Variants in CAP2 observed in about 807,000 individuals in gnomAD.
CAP2 encodes adenylyl cyclase-associated protein 2.
Under a neutral mutation model 57.7 loss-of-function variants are expected in CAP2, and 24 were observed. That is an observed-to-expected ratio of 0.42 (90% CI 0.30 to 0.58). The LOEUF is 0.58. Ranked by LOEUF, CAP2 falls within the 20% of genes least tolerant of loss-of-function variation. CAP2 has a pLI of 0.22. For synonymous variants in CAP2, 194 were observed against 207.2 expected (o/e 0.94, Z 0.55); for missense variants, 501 against 590.3 (o/e 0.85, Z 1.57).
intron 7 of CAP2, among the ~76,000 whole-genome samples, chr6:17,526,756 G>A (rs1762520197): frequency 6.6e-6 from 1 of 151,686 alleles, no homozygotes; most frequent in Non-Finnish European, 1.5e-5. Context: ...TCAGGAGTTC[G>A]AGACCAGCCT....
At chr6:17,542,185 C>A (rs1228866755) in intron 9 of CAP2, among the ~76,000 whole-genome samples, 1 of 152,166 alleles carries the variant, frequency 6.6e-6, no homozygotes, top group Non-Finnish European at 1.5e-5. Context: ...TTTAATCAGG[C>A]AGCAAGACAG....
chr6:17,510,471 TC>T (rs948525404), intron 6 of CAP2, among the ~76,000 whole-genome samples: 6 of 152,252 alleles, frequency 3.9e-5, no homozygotes, highest in African/African-American at 1.4e-4. Context: ...TCAGTGCGCC[TC>T]TTTTCCTCTT....
chr6:17,425,815 C>A lies in CAP2; in HGVS notation c.122-775C>A, dbSNP rs116720410. On this transcript the variant is annotated intron_variant, in intron 2 of 12. Transcript: ENST00000229922. ...ATGTTTAATAAACATTGATGGAGAT[C>A]CGGGCATGGTGGCTCACGCCTGTAA... Among the ~76,000 whole-genome samples, 1,416 of 152,250 alleles carry A rather than the reference C, an allele frequency of 9.3e-3. 17 individuals are homozygous for A. Among genetic ancestry groups the A allele is most frequent in the African/African-American group, 0.032 (1,319 of 41,550 alleles).
intron 3 of CAP2, among the ~76,000 whole-genome samples, chr6:17,441,351 T>C (rs1760067836): frequency 1.3e-5 from 2 of 151,632 alleles, no homozygotes; most frequent in South Asian, 4.1e-4. Flanking sequence ...AAAATCCTTA[T>C]GTACTTTCAA....
intron 3 of CAP2, among the ~76,000 whole-genome samples, chr6:17,432,083 T>C (rs1321061372): frequency 6.6e-6 from 1 of 152,210 alleles, no homozygotes; most frequent in Non-Finnish European, 1.5e-5. Flanking sequence ...CTGTGCTTTC[T>C]GGTCCTACGA....
At chr6:17,548,420 G>A (rs1202123369) in intron 11 of CAP2, among the ~76,000 whole-genome samples, 1 of 151,922 alleles carries the variant, frequency 6.6e-6, no homozygotes, top group Non-Finnish European at 1.5e-5. Flanking sequence ...AGAAAATAAG[G>A]TTGAAACAGC....
intron 4 of CAP2, among the ~76,000 whole-genome samples, chr6:17,492,173 TATA>T (rs1761559146): frequency 6.6e-6 from 1 of 152,250 alleles, no homozygotes; most frequent in African/African-American, 2.4e-5. Context: ...AGAAATCTTC[TATA>T]ATCAACCATG....
chr6:17,543,838 T>C (rs185339339), intron 11 of CAP2, among the ~76,000 whole-genome samples: 1 of 151,568 alleles, frequency 6.6e-6, no homozygotes, highest in Non-Finnish European at 1.5e-5. Flanking sequence ...CAAGTACAGC[T>C]AACTGGCCAG....
intron 4 of CAP2, among the ~76,000 whole-genome samples, chr6:17,468,130 AT>A (rs962311043): frequency 9.4e-5 from 14 of 148,760 alleles, no homozygotes; most frequent in African/African-American, 2.0e-4. Flanking sequence ...TCCATGTTGA[AT>A]TTTTTTTTTT....
At chr6:17,534,068 T>C (rs1228718493) in intron 7 of CAP2, among the ~76,000 whole-genome samples, 1 of 152,238 alleles carries the variant, frequency 6.6e-6, no homozygotes, top group African/African-American at 2.4e-5. Flanking sequence ...TAGGCCAGGA[T>C]ACCTCCATTC....
intron 6 of CAP2, among the ~76,000 whole-genome samples, chr6:17,511,097 T>A (rs1762135050): frequency 6.6e-6 from 1 of 152,168 alleles, no homozygotes; most frequent in Admixed American, 6.6e-5. Context: ...TTAAGCTCAG[T>A]GGACTACCTC....
intron 4 of CAP2, among the ~76,000 whole-genome samples, chr6:17,470,588 T>C (rs1241589113): frequency 1.3e-5 from 2 of 152,170 alleles, no homozygotes; most frequent in African/African-American, 4.8e-5. Context: ...TCCTCAGCCA[T>C]TGAATTGGAA....
intron 3 of CAP2, among the ~76,000 whole-genome samples, chr6:17,445,453 G>A (rs957826029): frequency 4.6e-5 from 7 of 152,184 alleles, no homozygotes; most frequent in Admixed American, 1.3e-4. Context: ...ATAGAATTTC[G>A]TTTGGTTTTC....
intron 4 of CAP2, among the ~76,000 whole-genome samples, chr6:17,471,099 C>G (rs1306928711): frequency 6.6e-6 from 1 of 152,198 alleles, no homozygotes; most frequent in African/African-American, 2.4e-5. Flanking sequence ...TGACTGATCT[C>G]AGAGCATACC....
At chr6:17,524,301 A>G (rs7763011) in intron 7 of CAP2, among the ~76,000 whole-genome samples, 39,189 of 152,098 alleles carry the variant, frequency 0.26, 6,182 homozygotes, top group African/African-American at 0.45. Flanking sequence ...ATTAAGAGCT[A>G]TACTGTGAAG....
At chr6:17,417,571 G>A (rs906994369) in intron 1 of CAP2, among the ~76,000 whole-genome samples, 3 of 152,086 alleles carry the variant, frequency 2.0e-5, no homozygotes, top group East Asian at 1.9e-4. Flanking sequence ...CACTGGCCCC[G>A]GCTCCTAAAA....
rs150339794 is a variant in CAP2 at position 17,514,232 on chromosome 6, G to A, written c.636+278G>A. On this transcript the variant is annotated intron_variant, in intron 7 of 12. Coordinates refer to ENST00000229922, the MANE Select transcript of CAP2 (RefSeq NM_006366.3). ...ATAAAAATTAGCCAGGCATGGTAAC[G>A]CACTTCTGTAATTCCAGCTACTCAG... Among the ~76,000 whole-genome samples, 878 of 152,040 alleles carry A rather than the reference G, an allele frequency of 5.8e-3. 22 individuals carry two copies. Among genetic ancestry groups the A allele is most frequent in the East Asian group, 0.049 (253 of 5,146 alleles).
intron 7 of CAP2, among the ~76,000 whole-genome samples, chr6:17,537,494 G>A (rs1662404838): frequency 6.7e-6 from 1 of 149,898 alleles, no homozygotes; most frequent in South Asian, 2.2e-4. Context: ...CCATGCCCGA[G>A]CCAGCATGTT....
intron 4 of CAP2, among the ~76,000 whole-genome samples, chr6:17,483,020 C>A (rs1761330683): frequency 6.6e-6 from 1 of 152,356 alleles, no homozygotes; most frequent in African/African-American, 2.4e-5. Flanking sequence ...CCAATAACTG[C>A]TTCTTCTCTC....
Sources: gnomAD v4.1 joint callset for allele counts (sites outside exome capture counted in the v4.1 genomes callset) on GRCh38, gnomAD v4.1.1 for gene constraint, MANE v1.5 for transcripts, NCBI Gene and HGNC (gene_info 2026-07-23, HGNC 2026-07-21) for gene names.